LRRIQ1: variants seen among roughly 807,000 people sequenced by gnomAD.
The protein encoded by LRRIQ1 is leucine-rich repeat- and IQ domain-containing protein 1.
LRRIQ1 carries 210 observed loss-of-function variants against 211.9 expected under a neutral mutation model. The ratio of observed to expected loss-of-function variants is 0.99; its 90% confidence interval spans 0.89 to 1.11. The LOEUF (loss-of-function observed/expected upper bound fraction) is 1.11. LRRIQ1 is among the 50% of genes most tolerant of loss of function. LRRIQ1 has a pLI of 0.00. For missense variants in LRRIQ1, 2,136 were observed against 1,939.5 expected, an observed-to-expected ratio of 1.10 and a Z score of -1.90; for synonymous variants, 699 against 650.1, an observed-to-expected ratio of 1.08 and a Z score of -1.14.
chr12:85,112,444 C>G (rs1392873789), intron 15 of LRRIQ1, among the ~76,000 whole-genome samples: 1 of 144,786 alleles, frequency 6.9e-6, no homozygotes, highest in Non-Finnish European at 1.5e-5. Flanking sequence ...ATATTGTTTT[C>G]CCATTCATAC....
At chr12:85,113,050 T>C (rs995031579) in intron 15 of LRRIQ1, among the ~76,000 whole-genome samples, 1 of 152,158 alleles carries the variant, frequency 6.6e-6, no homozygotes, top group Non-Finnish European at 1.5e-5. Context: ...TCCTTCACCA[T>C]GTGCCCTTTG....
chr12:85,119,063 T>A (rs1484258619), intron 15 of LRRIQ1, among the ~76,000 whole-genome samples: 2 of 152,112 alleles, frequency 1.3e-5, no homozygotes, highest in Non-Finnish European at 2.9e-5. Flanking sequence ...CTCTTGGTGT[T>A]TCATAATCTA....
At chr12:85,105,104 C>A (rs1310775024) in intron 14 of LRRIQ1, among the ~76,000 whole-genome samples, 1 of 151,778 alleles carries the variant, frequency 6.6e-6, no homozygotes, top group Non-Finnish European at 1.5e-5. Flanking sequence ...TTTTATTTTT[C>A]TTATTGATCT....
At chr12:85,112,567 G>T (rs1456058305) in intron 15 of LRRIQ1, among the ~76,000 whole-genome samples, 1 of 131,298 alleles carries the variant, frequency 7.6e-6, no homozygotes, top group Non-Finnish European at 1.7e-5. Flanking sequence ...TGGGTACTGG[G>T]GATTCTGTAG....
At chr12:85,113,891 A>G (rs866593814) in intron 15 of LRRIQ1, among the ~76,000 whole-genome samples, 24 of 142,474 alleles carry the variant, frequency 1.7e-4, no homozygotes, top group South Asian at 4.4e-4. Flanking sequence ...AGAAATTTCA[A>G]TTATTCAAAT....
chr12:85,200,788 AAGCCTACTTGTTG>A (rs1376946735), intron 24 of LRRIQ1, among the ~76,000 whole-genome samples: 2 of 152,080 alleles, frequency 1.3e-5, no homozygotes, highest in African/African-American at 4.8e-5. Flanking sequence ...CCCATGGATG[AAGCCTACTTGTTG>A]ATCATGATGG....
chr12:85,117,541 T>C (rs1014236131), intron 15 of LRRIQ1, among the ~76,000 whole-genome samples: 26 of 152,200 alleles, frequency 1.7e-4, no homozygotes, highest in African/African-American at 6.3e-4. Flanking sequence ...ACCTCCTTTT[T>C]TCACATTCAT....
intron 18 of LRRIQ1, among the ~76,000 whole-genome samples, chr12:85,131,199 T>C (rs946089208): frequency 6.7e-6 from 1 of 148,414 alleles, no homozygotes; most frequent in African/African-American, 2.5e-5. Context: ...GGCAACAGAG[T>C]GAGATTTTGT....
Position 85,038,294 on chromosome 12 carries a change from G to C in LRRIQ1, c.118G>C (p.Asp40His). ...ESDAKSETQS[D>H]DSDTDSVELP... ...TGATGCAAAATCAGAAACCCAGAGT[G>C]ATGATAGTGATACAGTGAGTATTGC... is the stretch of plus-strand genomic sequence containing the variant. The change falls in exon 2 of 27, where the codon GAT becomes CAT. Residue 40 changes from aspartate to histidine, a missense_variant. By Grantham distance (81) the Asp-to-His change is moderately conservative. Coordinates refer to ENST00000393217, the MANE Select transcript of LRRIQ1 (RefSeq NM_001079910.2). The C allele has an allele frequency of 1.3e-6, 2 of 1,578,616 alleles. No individual in the cohort carries two copies. The highest frequency in any genetic ancestry group is 1.8e-5 in the Admixed American group (1 of 56,316).
At chr12:85,272,738 AT>A in the LRRIQ1 span, among the ~76,000 whole-genome samples, 2 of 152,068 alleles carry the variant, frequency 1.3e-5, no homozygotes. Flanking sequence ...AAAGTGTTTA[AT>A]TTTTTTAGGA....
chr12:85,252,774 T>C (rs1895985890), intron 1 of LRRIQ1, among the ~76,000 whole-genome samples: 3 of 151,916 alleles, frequency 2.0e-5, no homozygotes, highest in African/African-American at 7.2e-5. Flanking sequence ...ATAAAGTTAA[T>C]AATACTTTAA....
intron 24 of LRRIQ1, among the ~76,000 whole-genome samples, chr12:85,216,359 C>T (rs1295689869): frequency 6.6e-6 from 1 of 152,044 alleles, no homozygotes; most frequent in Non-Finnish European, 1.5e-5. Flanking sequence ...CTTTTTATGG[C>T]TGCATGGTAT....
chr12:85,210,815 T>C (rs1186249190), intron 24 of LRRIQ1, among the ~76,000 whole-genome samples: 3 of 152,186 alleles, frequency 2.0e-5, no homozygotes, highest in African/African-American at 4.8e-5. Flanking sequence ...AAGATAAAGA[T>C]AGTGTGCCCA....
chr12:85,232,760 A>C lies in LRRIQ1; in HGVS notation c.5016+4A>C. The C allele has an allele frequency of 6.2e-7, 1 of 1,610,098 alleles. No individual in the cohort carries two copies. The highest frequency in any genetic ancestry group is 8.5e-7 in the Non-Finnish European group (1 of 1,176,818). On this transcript the variant is annotated splice_donor_region_variant and intron_variant, in intron 26 of 26. Transcript: ENST00000393217. Reference sequence around the variant, plus strand: ...TGGTGGAAGAGTTCAGCTTGTGGTAAGAAATGTGCTTAAAGTTACAGAAAA... The same window carrying C: ...TGGTGGAAGAGTTCAGCTTGTGGTACGAAATGTGCTTAAAGTTACAGAAAA...
intron 12 of LRRIQ1, 119 bp downstream of exon 12, chr12:85,098,667 G>A (rs549651003): frequency 1.2e-6 from 1 of 847,876 alleles, no homozygotes; most frequent in East Asian, 2.7e-5. Flanking sequence ...TCACCATGAA[G>A]TAACCTTTAT....
chr12:85,160,556 T>C, intron 23 of LRRIQ1, 57 bp from the exon 24 acceptor site: 1 of 1,084,526 alleles, frequency 9.2e-7, no homozygotes, highest in Non-Finnish European at 1.4e-6. Flanking sequence ...ATGTGGACAT[T>C]TAGAGAAGGA....
intron 26 of LRRIQ1, among the ~76,000 whole-genome samples, chr12:85,233,363 G>T (rs1401865150): frequency 6.6e-6 from 1 of 151,880 alleles, no homozygotes; most frequent in Non-Finnish European, 1.5e-5. Context: ...GAATTTTTCA[G>T]TGCGTTTCTA....
At chr12:85,268,594 T>C (rs558995192), downstream of LRRIQ1, among the ~76,000 whole-genome samples, 1 of 152,022 alleles carries the variant, frequency 6.6e-6, no homozygotes, top group East Asian at 1.9e-4. Flanking sequence ...ATTAGCCCCT[T>C]AAATTATATG....
chr12:85,252,086 A>G (rs964698512), intron 1 of LRRIQ1, among the ~76,000 whole-genome samples: 1 of 151,976 alleles, frequency 6.6e-6, no homozygotes, highest in Non-Finnish European at 1.5e-5. Context: ...TAAAGTAAAG[A>G]TCAGAAGACT....
Sources: allele counts gnomAD v4.1 joint callset (sites outside exome capture counted in the v4.1 genomes callset), GRCh38; gene constraint gnomAD v4.1.1; transcripts MANE v1.5; gene names NCBI Gene and HGNC (gene_info 2026-07-23, HGNC 2026-07-21).